Variants in SLC34A2 observed in about 807,000 individuals in gnomAD.
SLC34A2 encodes solute carrier family 34 member 2.
A neutral mutation model predicts 50.8 loss-of-function variants in SLC34A2; 41 were observed. The observed-to-expected ratio is 0.81, with a 90% CI of 0.63 to 1.05. The LOEUF (loss-of-function observed/expected upper bound fraction) is 1.05. Ranked by LOEUF, SLC34A2 falls within the 50% of genes least tolerant of loss-of-function variation. The pLI, the probability that SLC34A2 is intolerant of heterozygous loss-of-function variation, is 0.00. For missense variants in SLC34A2, 879 were observed against 876.7 expected (o/e 1.00, Z -0.03); for synonymous variants, 401 against 364.2 (o/e 1.10, Z -1.15).
In SLC34A2 at chr4:25,662,482, G is replaced by C; in HGVS notation, c.-3-16G>C. On this transcript the variant is annotated splice_polypyrimidine_tract_variant and intron_variant, in intron 1 of 12. Transcript: ENST00000382051. ...CTTTCCATGACTGCTGCTTTAAGCTGTTTTCTCATCCACAGACCATGGCTC... is the reference window on the plus strand; with the variant it reads ...CTTTCCATGACTGCTGCTTTAAGCTCTTTTCTCATCCACAGACCATGGCTC... 2 of 1,610,016 alleles carry C rather than the reference G, an allele frequency of 1.2e-6. No homozygotes were observed. The highest frequency in any genetic ancestry group is 2.2e-5 in the South Asian group (2 of 90,980).
Position 25,662,814 on chromosome 4 carries a change from T to C in SLC34A2, c.222T>C (p.Thr74=). The change falls in exon 3 of 13, where the codon ACT becomes ACC. Residue 74 remains threonine, a synonymous_variant. Coordinates refer to ENST00000382051, the MANE Select transcript of SLC34A2 (RefSeq NM_006424.3). ...TGGATGACCCCTGGAACCTACCCACTCTTCAGGACTCGGGGATCAAGTGGT... is the reference window on the plus strand; with the variant it reads ...TGGATGACCCCTGGAACCTACCCACCCTTCAGGACTCGGGGATCAAGTGGT... ...TEVDDPWNLP[T]LQDSGIKWSE... is the part of the protein sequence containing the mutation. 1 of 1,613,976 alleles carries C rather than the reference T, an allele frequency of 6.2e-7. No individual in the cohort carries two copies. The highest frequency in any genetic ancestry group is 1.7e-5 in the Admixed American group (1 of 59,996).
intron 1 of SLC34A2, 132 bp from the exon 2 acceptor site, chr4:25,662,366 T>C: frequency 1.3e-6 from 1 of 746,850 alleles, no homozygotes; most frequent in Admixed American, 2.1e-5. Flanking sequence ...AATCTTTCCC[T>C]TCCTTTTACT....
intron 1 of SLC34A2, among the ~76,000 whole-genome samples, chr4:25,661,113 A>T (rs997133668): frequency 6.6e-6 from 1 of 152,228 alleles, no homozygotes; most frequent in African/African-American, 2.4e-5. Flanking sequence ...AGACAGCATG[A>T]CATAGTAATA....
intron 5 of SLC34A2, among the ~76,000 whole-genome samples, chr4:25,667,457 A>G (rs1239003562): frequency 6.6e-6 from 1 of 152,240 alleles, no homozygotes; most frequent in Non-Finnish European, 1.5e-5. Flanking sequence ...GGTTGCAGTG[A>G]GCTGAGATCG....
chr4:25,664,929 T>C, intron 4 of SLC34A2: 1 of 232,336 alleles, frequency 4.3e-6, no homozygotes, highest in Non-Finnish European at 8.5e-6. Flanking sequence ...GGGCCCTCTA[T>C]CAAACATTCT....
chr4:25,664,432 G>A, intron 4 of SLC34A2, 102 bp downstream of exon 4: 1 of 1,339,138 alleles, frequency 7.5e-7, no homozygotes, highest in Non-Finnish European at 1.1e-6. Context: ...CAGCCTCCTG[G>A]AGTGTTTTAG....
intron 6 of SLC34A2, among the ~76,000 whole-genome samples, chr4:25,668,915 T>C (rs1358274998): frequency 6.6e-6 from 1 of 151,524 alleles, no homozygotes; most frequent in African/African-American, 2.4e-5. Flanking sequence ...CAGTTTTTTT[T>C]TAAAAGGTAA....
In SLC34A2 at chr4:25,676,507, A is replaced by C; in HGVS notation, c.1831A>C (p.Thr611Pro). The C allele has an allele frequency of 6.2e-7, 1 of 1,613,858 alleles. No homozygotes were observed. Among genetic ancestry groups the C allele is most frequent in the Non-Finnish European group, 8.5e-7 (1 of 1,179,932 alleles). Reference sequence around the variant, plus strand: ...CTGGGATGCCGTCGTCTCCAAGTTCACCGGCTGCTTCCAGATGCGCTGCTG... The same window carrying C: ...CTGGGATGCCGTCGTCTCCAAGTTCCCCGGCTGCTTCCAGATGCGCTGCTG... ...KPWDAVVSKF[T>P]GCFQMRCCCC... The change falls in exon 13 of 13, where the codon ACC becomes CCC. Residue 611 changes from threonine (T) to proline (P), a missense_variant. Physicochemically the swap from Thr to Pro is conservative, Grantham distance 38. Transcript: ENST00000382051.
chr4:25,669,551 T>C, intron 6 of SLC34A2, 96 bp from the exon 7 acceptor site: 3 of 1,065,462 alleles, frequency 2.8e-6, no homozygotes, highest in Non-Finnish European at 4.4e-6. Flanking sequence ...AGGTGACACC[T>C]AGCAGAGGGT....
chr4:25,675,111 A>C (rs1243491499), intron 12 of SLC34A2, among the ~76,000 whole-genome samples: 1 of 152,198 alleles, frequency 6.6e-6, no homozygotes, highest in Non-Finnish European at 1.5e-5. Flanking sequence ...CACTCACTGC[A>C]ACCTCCACCT....
In SLC34A2 at chr4:25,674,445, C is replaced by T. The variant is rs1306256686; in HGVS notation, c.1333+33C>T. On this transcript the variant is annotated intron_variant, in intron 11 of 12. Coordinates refer to ENST00000382051, the MANE Select transcript of SLC34A2 (RefSeq NM_006424.3). Reference sequence around the variant, plus strand: ...ACACCCTGGCTTCTCCCTCTGGCCACCACTGCCATTTCCTGTCATCCCATG... The same window carrying T: ...ACACCCTGGCTTCTCCCTCTGGCCATCACTGCCATTTCCTGTCATCCCATG... The T allele has an allele frequency of 6.2e-6, 10 of 1,614,204 alleles. No homozygotes were observed. The South Asian group carries it at 9.9e-5, about 16-fold the overall frequency.
At chr4:25,661,171 A>G (rs1016105528) in intron 1 of SLC34A2, among the ~76,000 whole-genome samples, 3 of 152,162 alleles carry the variant, frequency 2.0e-5, no homozygotes, top group African/African-American at 4.8e-5. Flanking sequence ...CACTTTCTAG[A>G]CTTTTAATTT....
At position 25,678,660 on chromosome 4, in the gene SLC34A2, C is replaced by T. The variant is rs1385033380; in HGVS notation, c.*1911C>T. 6 of 393,916 alleles carry T rather than the reference C, an allele frequency of 1.5e-5. No individual in the cohort carries two copies. Among genetic ancestry groups the T allele is most frequent in the African/African-American group, 4.1e-5 (2 of 48,706 alleles). The allele number at this position is 393,916 out of a possible 1,614,324, so 24.4% of individuals were successfully genotyped here. A position where few individuals can be genotyped will look rare whatever the true frequency, so the allele number is the denominator to read the frequency against. ...CCTCCCAAAGTGCTGAGATCACAGG[C>T]GTGAGCCACCACCAGGCCTGATTGT... On this transcript the variant is annotated 3_prime_UTR_variant, in exon 13 of 13. Transcript: ENST00000382051.
chr4:25,656,250 C>T (rs1713876789), intron 1 of SLC34A2, among the ~76,000 whole-genome samples: 1 of 152,106 alleles, frequency 6.6e-6, no homozygotes, highest in South Asian at 2.1e-4. Flanking sequence ...GTGGCTGGGT[C>T]ACCAACTAGC....
chr4:25,664,358 G>A lies in SLC34A2; in HGVS notation c.379+28G>A, dbSNP rs770375700. The A allele has an allele frequency of 9.9e-6, 16 of 1,613,458 alleles. No homozygotes were observed. The highest frequency in any genetic ancestry group is 7.7e-5 in the South Asian group (7 of 91,052). On this transcript the variant is annotated intron_variant, in intron 4 of 12. Transcript: ENST00000382051. ...AAGAATGAAAGGGTGAGAGGTCTGCGGGTGAGGGGCATTATCTTGAAATGT... is the reference window on the plus strand; with the variant it reads ...AAGAATGAAAGGGTGAGAGGTCTGCAGGTGAGGGGCATTATCTTGAAATGT...
At position 25,671,123 on chromosome 4, in the gene SLC34A2, G is replaced by T. The variant is rs557772146; in HGVS notation, c.927+290G>T. ...TGGAGAAGGCTTAGCTCTGCCTGCC[G>T]CTCTGTTCTCATTTTTGGAGAGACT... On this transcript the variant is annotated intron_variant, in intron 8 of 12. Transcript: ENST00000382051. Among the ~76,000 whole-genome samples the T allele has an allele frequency of 2.6e-5, 4 of 152,156 alleles. No individual in the cohort carries two copies. In the East Asian group the frequency reaches 5.8e-4, roughly 22 times the overall value.
In SLC34A2 at chr4:25,667,783, T is replaced by G; in HGVS notation, c.524-97T>G. On this transcript the variant is annotated intron_variant, in intron 5 of 12. Coordinates refer to ENST00000382051, the MANE Select transcript of SLC34A2 (RefSeq NM_006424.3). Reference sequence around the variant, plus strand: ...TTTAAGAATTCACTTGCATAGAGGATAAAAACTACTTCTTTAGAGGATACC... The same window carrying G: ...TTTAAGAATTCACTTGCATAGAGGAGAAAAACTACTTCTTTAGAGGATACC... 5.1e-6 allele frequency: 4 copies of G among 791,384 alleles called. No individual in the cohort carries two copies. In the South Asian group the frequency reaches 5.8e-5, roughly 11 times the overall value. The allele number at this position is 791,384 out of a possible 1,614,324, so 49.0% of individuals were successfully genotyped here.
At chr4:25,658,368 C>A (rs959332512) in intron 1 of SLC34A2, among the ~76,000 whole-genome samples, 2 of 152,204 alleles carry the variant, frequency 1.3e-5, no homozygotes, top group African/African-American at 4.8e-5. Flanking sequence ...TGGTTCCTCA[C>A]AGGACCACTG....
intron 6 of SLC34A2, among the ~76,000 whole-genome samples, chr4:25,668,346 C>G (rs911070460): frequency 2.6e-5 from 4 of 152,206 alleles, no homozygotes; most frequent in Non-Finnish European, 5.9e-5. Context: ...GAAGCAAGGC[C>G]AGTTAGAAGA....
Sources: gnomAD v4.1 joint callset for allele counts (sites outside exome capture counted in the v4.1 genomes callset) on GRCh38, gnomAD v4.1.1 for gene constraint, MANE v1.5 for transcripts, NCBI Gene and HGNC (gene_info 2026-07-23, HGNC 2026-07-21) for gene names.